KDM1B: variants seen among roughly 807,000 people sequenced by gnomAD.
The protein encoded by KDM1B is lysine-specific histone demethylase 2.
Under a neutral mutation model 107.4 loss-of-function variants are expected in KDM1B, and 63 were observed. The ratio of observed to expected loss-of-function variants is 0.59; its 90% CI spans 0.48 to 0.72. KDM1B has a LOEUF of 0.72. Ranked by LOEUF, KDM1B falls within the 30% of genes least tolerant of loss-of-function variation. The pLI is 0.00. For synonymous variants in KDM1B, 363 were observed against 363.9 expected (o/e 1.00, Z 0.03); for missense variants, 749 against 1,020.8 (o/e 0.73, Z 3.63).
intron 5 of KDM1B, among the ~76,000 whole-genome samples, chr6:18,164,227 A>G (rs1221373769): frequency 6.6e-6 from 1 of 152,048 alleles, no homozygotes; most frequent in African/African-American, 2.4e-5. Flanking sequence ...TCCTGAGTTC[A>G]AGCCATTCTT....
rs188478104 is a variant in KDM1B at position 18,185,141 on chromosome 6, T to C, written c.535-631T>C. The stretch of plus-strand genomic sequence containing the variant: ...CTGGAAAATATAACCCAGTTAGAAT[T>C]GCTGGATGTGTCATACGTATTTTCA... On this transcript the variant is annotated intron_variant, in intron 7 of 21. Transcript: ENST00000650836. Among the ~76,000 whole-genome samples the C allele has an allele frequency of 3.9e-5, 6 of 152,356 alleles. No homozygotes were observed. In the East Asian group the frequency reaches 1.2e-3, roughly 29 times the overall value.
chr6:18,185,860 T>TA, intron 8 of KDM1B, 50 bp downstream of exon 8: 1 of 1,546,538 alleles, frequency 6.5e-7, no homozygotes, highest in Non-Finnish European at 8.9e-7. Context: ...CCTTTGATGA[T>TA]AAGTGTTACA....
chr6:18,215,920 G>A (rs1216280177), intron 20 of KDM1B, among the ~76,000 whole-genome samples: 1 of 151,854 alleles, frequency 6.6e-6, no homozygotes, highest in East Asian at 1.9e-4. Flanking sequence ...AGGATACTTT[G>A]TTTGCCAGTG....
intron 6 of KDM1B, among the ~76,000 whole-genome samples, 171 bp downstream of exon 6, chr6:18,166,549 A>G (rs532340003): frequency 1.1e-4 from 16 of 152,316 alleles, no homozygotes; most frequent in South Asian, 1.0e-3. Flanking sequence ...AACATAGTAT[A>G]AAAGAGGAAA....
Position 18,197,605 on chromosome 6 carries a change from G to A in KDM1B, c.1165G>A (p.Gly389Arg), listed in dbSNP as rs978311205. 3 of 1,613,662 alleles carry A rather than the reference G, an allele frequency of 1.9e-6. No individual in the cohort carries two copies. The highest frequency in any genetic ancestry group is 2.5e-6 in the Non-Finnish European group (3 of 1,179,750). Residue 389 changes from glycine (G) to arginine (R), a missense_variant, in exon 12 of 22, where the codon GGG becomes AGG. Physicochemically the swap from Gly to Arg is moderately radical, Grantham distance 125 (BLOSUM62 -2). Transcript: ENST00000650836. The surrounding 1 kb of genome is among the most constrained non-coding windows in gnomAD (Gnocchi z 4.5). ...TTTTAAGAAATCAGTCATCATTATC[G>A]GGGCTGGTCCAGCAGGATTAGCAGC... The part of the protein sequence containing the change: ...DYHNKSVIII[G>R]AGPAGLAAAR...
intron 21 of KDM1B, among the ~76,000 whole-genome samples, chr6:18,220,776 CTT>C (rs777242091): frequency 4.2e-4 from 60 of 142,434 alleles, no homozygotes; most frequent in African/African-American, 1.5e-3. Flanking sequence ...TCACCTTTTC[CTT>C]TTTTTTTTTT....
chr6:18,215,741 C>CT (rs779967439), intron 20 of KDM1B, among the ~76,000 whole-genome samples: 2,264 of 140,664 alleles, frequency 0.016, 47 homozygotes, highest in African/African-American at 0.049. Flanking sequence ...ACACACTTCC[C>CT]TTTTTTTTTT....
chr6:18,200,356 A>C lies in KDM1B; in HGVS notation c.1222-83A>C. Reference sequence around the variant, plus strand: ...TAACCAAATATAGAGGCTATTTAACAGTGTCCTTCTACATTTTTATAATAC... The same window carrying C: ...TAACCAAATATAGAGGCTATTTAACCGTGTCCTTCTACATTTTTATAATAC... On this transcript the variant is annotated intron_variant, in intron 12 of 21. Coordinates refer to ENST00000650836, the MANE Select transcript of KDM1B (RefSeq NM_001364614.2). The surrounding 1 kb of genome is among the most constrained non-coding windows in gnomAD (Gnocchi z 4.3). 1 of 1,312,496 alleles carries C rather than the reference A, an allele frequency of 7.6e-7. No individual in the cohort carries two copies. Among genetic ancestry groups the C allele is most frequent in the Non-Finnish European group, 1.1e-6 (1 of 950,454 alleles). 81.3% of individuals were successfully genotyped at this position (1,312,496 alleles called of 1,614,324 possible). A position where few individuals can be genotyped will look rare whatever the true frequency, so the allele number is the denominator to read the frequency against.
In KDM1B at chr6:18,186,379, CTG is replaced by C. The variant is rs1786852292; in HGVS notation, c.573+571_573+572del. ...TGTACCATGTAACCAGATTCGGTGACTGTTTCAGAAAAGAGGTTTTTAAATTT... is the reference window on the plus strand; with the variant it reads ...TGTACCATGTAACCAGATTCGGTGACTTTCAGAAAAGAGGTTTTTAAATTT... On this transcript the variant is annotated intron_variant, in intron 8 of 21. Transcript: ENST00000650836. The surrounding 1 kb of genome is among the most constrained non-coding windows in gnomAD (Gnocchi z 5.6). 6.6e-6 allele frequency among the ~76,000 whole-genome samples: 1 copy of C among 152,124 alleles called. No homozygotes were observed.
Position 18,162,487 on chromosome 6 carries a change from C to G in KDM1B, c.216-348C>G, listed in dbSNP as rs1179995286. ...CAGCTGACCAGATTCCCTCGCTGTT[C>G]AGTACTGGGCCCCACGTTATTCTCT... is the stretch of plus-strand genomic sequence containing the variant. On this transcript the variant is annotated intron_variant, in intron 4 of 21. Coordinates refer to ENST00000650836, the MANE Select transcript of KDM1B (RefSeq NM_001364614.2). This position sits in a 1 kb window ranked among gnomAD's most constrained non-coding sequence, Gnocchi z 4.1. Among the ~76,000 whole-genome samples the G allele has an allele frequency of 6.6e-6, 1 of 152,148 alleles. No individual in the cohort carries two copies. Among genetic ancestry groups the G allele is most frequent in the African/African-American group, 2.4e-5 (1 of 41,412 alleles).
In KDM1B at chr6:18,191,213, A is replaced by G; in HGVS notation, c.801A>G (p.Arg267=). Reference sequence around the variant, plus strand: ...ACCTATCAGTTCCAGGCATGAACCGATACTTCCAGCCTTTCTACCAGCCCA... The same window carrying G: ...ACCTATCAGTTCCAGGCATGAACCGGTACTTCCAGCCTTTCTACCAGCCCA... ...ALSVHVPGMN[R]YFQPFYQPNE... Residue 267 remains arginine (R), a synonymous_variant, in exon 10 of 22, where the codon CGA becomes CGG. Transcript: ENST00000650836. This position sits in a 1 kb window ranked among gnomAD's most constrained non-coding sequence, Gnocchi z 5.1. The G allele has an allele frequency of 6.4e-7, 1 of 1,550,488 alleles. No individual in the cohort carries two copies. The highest frequency in any genetic ancestry group is 8.7e-7 in the Non-Finnish European group (1 of 1,146,980).
At chr6:18,210,360 T>G (rs867211182) in intron 17 of KDM1B, among the ~76,000 whole-genome samples, 67 of 69,302 alleles carry the variant, frequency 9.7e-4, no homozygotes, top group African/African-American at 3.3e-3. Context: ...TTTTTTTTTT[T>G]TTTTTTTTTT....
intron 7 of KDM1B, among the ~76,000 whole-genome samples, chr6:18,173,332 C>T (rs1165847134): frequency 1.3e-5 from 2 of 152,056 alleles, no homozygotes; most frequent in African/African-American, 2.4e-5. Context: ...ATTGGCCATG[C>T]ATTTCTCTTT....
At chr6:18,217,959 G>C in intron 21 of KDM1B, 74 bp downstream of exon 21, 4 of 1,508,080 alleles carry the variant, frequency 2.7e-6, no homozygotes, top group Non-Finnish European at 3.6e-6. Flanking sequence ...TATCTGCCCA[G>C]AGTTTAAAAA....
chr6:18,179,290 G>A (rs1175791240), intron 7 of KDM1B, among the ~76,000 whole-genome samples: 2 of 152,158 alleles, frequency 1.3e-5, no homozygotes, highest in Non-Finnish European at 2.9e-5. Flanking sequence ...TATATTCCCA[G>A]ATTTGATTAA....
chr6:18,201,765 A>G lies in KDM1B; in HGVS notation c.1531+108A>G. 2 of 887,584 alleles carry G rather than the reference A, an allele frequency of 2.3e-6. No homozygotes were observed. The highest frequency in any genetic ancestry group is 1.8e-5 in the South Asian group (1 of 54,446). The allele number at this position is 887,584 out of a possible 1,614,324, so 55.0% of individuals were successfully genotyped here. A position where few individuals can be genotyped will look rare whatever the true frequency, so the allele number is the denominator to read the frequency against. ...CGAGGTCGGATGTCGGCAACAGGGTAGCCCTCCTGAGCATTTCTTTTGGAC... is the reference window on the plus strand; with the variant it reads ...CGAGGTCGGATGTCGGCAACAGGGTGGCCCTCCTGAGCATTTCTTTTGGAC... On this transcript the variant is annotated intron_variant, in intron 14 of 21. Transcript: ENST00000650836. This position sits in a 1 kb window ranked among gnomAD's most constrained non-coding sequence, Gnocchi z 4.3.
rs1250739912 is a variant in KDM1B at position 18,215,775 on chromosome 6, C to T, written c.2232+646C>T. On this transcript the variant is annotated intron_variant, in intron 20 of 21. Coordinates refer to ENST00000650836, the MANE Select transcript of KDM1B (RefSeq NM_001364614.2). The stretch of plus-strand genomic sequence containing the variant: ...TTTTTTTGTAAGGATATAAAAGGCT[C>T]GGTATTTTCTACGTGGATTCTATAT... Among the ~76,000 whole-genome samples the T allele has an allele frequency of 6.1e-5, 9 of 147,234 alleles. 1 individual carries two copies. The East Asian group carries it at 9.9e-4, about 16-fold the overall frequency.
chr6:18,176,213 G>A (rs183748881), intron 7 of KDM1B, among the ~76,000 whole-genome samples: 149 of 152,200 alleles, frequency 9.8e-4, no homozygotes, highest in African/African-American at 3.4e-3. Flanking sequence ...TTATTTTGCA[G>A]CTATTGGTAA....
At chr6:18,185,726 A>C (rs753853802) in intron 7 of KDM1B, 46 bp from the exon 8 acceptor site, 1 of 1,546,786 alleles carries the variant, frequency 6.5e-7, no homozygotes, top group Non-Finnish European at 8.9e-7. Context: ...ACCTGAGACT[A>C]TATTTTATAA....
Sources: allele counts gnomAD v4.1 joint callset (sites outside exome capture counted in the v4.1 genomes callset), GRCh38; gene constraint gnomAD v4.1.1; non-coding constraint Gnocchi (gnomAD v3.1); transcripts MANE v1.5; gene names NCBI Gene and HGNC (gene_info 2026-07-23, HGNC 2026-07-21).